ABTB2: variants seen among roughly 807,000 people sequenced by gnomAD.
ABTB2 encodes ankyrin repeat and BTB/POZ domain-containing protein 2.
Under a neutral mutation model 104.1 loss-of-function variants are expected in ABTB2, and 56 were observed. The observed-to-expected ratio is 0.54, with a 90% CI of 0.43 to 0.67. The LOEUF (loss-of-function observed/expected upper bound fraction) is 0.67. Ranked by LOEUF, ABTB2 falls within the 30% of genes least tolerant of loss-of-function variation. The probability of loss-of-function intolerance (pLI) is 0.00; values close to 1 mark genes in which losing one functional copy is unlikely to be tolerated. For missense variants in ABTB2, 1,279 were observed against 1,407.7 expected (o/e 0.91, Z 1.46); for synonymous variants, 606 against 608.2 (o/e 1.00, Z 0.05).
chr11:34,279,773 T>C (rs1184265485), intron 1 of ABTB2, among the ~76,000 whole-genome samples: 2 of 150,068 alleles, frequency 1.3e-5, no homozygotes, highest in African/African-American at 2.5e-5. Context: ...AATGCTTTTC[T>C]TTTCTTTCTT....
intron 2 of ABTB2, among the ~76,000 whole-genome samples, chr11:34,199,211 C>T (rs749054377): frequency 2.6e-5 from 4 of 152,222 alleles, no homozygotes; most frequent in African/African-American, 7.2e-5. Context: ...ATGACAGCCA[C>T]GGTGATGGTG....
In ABTB2 at chr11:34,160,103, T is replaced by A. The variant is rs1268393806; in HGVS notation, c.2504-95A>T. 2.3e-6 allele frequency: 3 copies of A among 1,278,888 alleles called. No individual in the cohort carries two copies. In the South Asian group the frequency reaches 3.8e-5, roughly 16 times the overall value. The allele number at this position is 1,278,888 out of a possible 1,614,324, so 79.2% of individuals were successfully genotyped here. On this transcript the variant is annotated intron_variant, in intron 12 of 16. Transcript: ENST00000435224. ...TGAGGTGCGTGTCTGGGGTTGGGGG[T>A]GGGACACAGAGGTGAGGAACAGAGA...
intron 1 of ABTB2, among the ~76,000 whole-genome samples, chr11:34,218,854 A>G (rs1853580498): frequency 6.6e-6 from 1 of 150,982 alleles, no homozygotes; most frequent in Non-Finnish European, 1.5e-5. Flanking sequence ...CTCAAAAAAA[A>G]AAAAAAAAAA....
At chr11:34,323,375 C>T (rs368605747) in intron 1 of ABTB2, among the ~76,000 whole-genome samples, 2 of 152,300 alleles carry the variant, frequency 1.3e-5, no homozygotes, top group South Asian at 2.1e-4. Flanking sequence ...GAGGTTATTA[C>T]GTAAGCCTGT....
rs1391547596 is a variant in ABTB2, at chr11:34,162,718, C to T, written c.2076G>A (p.Glu692=). 11 of 1,612,114 alleles carry T rather than the reference C, an allele frequency of 6.8e-6. No individual in the cohort carries two copies. The highest frequency in any genetic ancestry group is 1.7e-6 in the Non-Finnish European group (2 of 1,180,040). Residue 692 remains glutamate (E), a synonymous_variant, in exon 10 of 17, where the codon GAG becomes GAA. Coordinates refer to ENST00000435224, the MANE Select transcript of ABTB2 (RefSeq NM_145804.3). ...TGCCCTGGCTCGACGCATCACTTTC[C>T]TCCACACCCTCGGCCAGGATCTCCT... ...SLEEILAEGV[E]ESDASSQGSG...
intron 1 of ABTB2, among the ~76,000 whole-genome samples, chr11:34,343,120 C>T (rs955534454): frequency 2.0e-5 from 3 of 152,034 alleles, no homozygotes; most frequent in East Asian, 1.9e-4. Flanking sequence ...CAGGTGTGCG[C>T]CAGCACTCTG....
intron 1 of ABTB2, among the ~76,000 whole-genome samples, chr11:34,332,022 A>G (rs1353299829): frequency 1.3e-5 from 2 of 152,190 alleles, no homozygotes; most frequent in East Asian, 3.8e-4. Flanking sequence ...CACCTCTGGG[A>G]CTATGACAAC....
intron 1 of ABTB2, chr11:34,335,147 G>A (rs6484706): frequency 0.036 from 44,932 of 1,231,212 alleles, 4,100 homozygotes; most frequent in East Asian, 0.33. Context: ...TAATATGGCT[G>A]TCTGGTGTTG....
At chr11:34,326,386 G>A (rs1158396945) in intron 1 of ABTB2, among the ~76,000 whole-genome samples, 1 of 152,150 alleles carries the variant, frequency 6.6e-6, no homozygotes, top group Non-Finnish European at 1.5e-5. Flanking sequence ...ACTTTGGGGG[G>A]CCAAGGCAGT....
At chr11:34,282,733 T>C (rs1854461270) in intron 1 of ABTB2, among the ~76,000 whole-genome samples, 1 of 151,968 alleles carries the variant, frequency 6.6e-6, no homozygotes, top group Non-Finnish European at 1.5e-5. Flanking sequence ...GGTTTCACCA[T>C]GTTGGCCAGG....
At position 34,356,600 on chromosome 11, in the gene ABTB2, G is replaced by A. The variant is rs1855466656; in HGVS notation, c.883+101C>T. 2 of 1,404,658 alleles carry A rather than the reference G, an allele frequency of 1.4e-6. No homozygotes were observed. Among genetic ancestry groups the A allele is most frequent in the African/African-American group, 2.9e-5 (2 of 68,882 alleles). 87.0% of individuals were successfully genotyped at this position (1,404,658 alleles called of 1,614,324 possible). ...ACCAAACGTTTTCTCCCAAAGAACT[G>A]GCACAGCCACCAGCTTTGTCTCAGG... On this transcript the variant is annotated intron_variant, in intron 1 of 16. Transcript: ENST00000435224. This position sits in a 1 kb window ranked among gnomAD's most constrained non-coding sequence, Gnocchi z 4.6.
At chr11:34,228,589 A>G (rs1207091009) in intron 1 of ABTB2, among the ~76,000 whole-genome samples, 2 of 151,582 alleles carry the variant, frequency 1.3e-5, no homozygotes, top group African/African-American at 4.8e-5. Context: ...CATGTTGGCC[A>G]GGCTAGTCTC....
intron 1 of ABTB2, among the ~76,000 whole-genome samples, chr11:34,241,718 C>A (rs1466238949): frequency 6.6e-6 from 1 of 152,150 alleles, no homozygotes; most frequent in Non-Finnish European, 1.5e-5. Context: ...ATGGCGAGAC[C>A]CCCATCTCAA....
Position 34,256,777 on chromosome 11 carries a change from C to T in ABTB2, c.884-52087G>A, listed in dbSNP as rs186847259. ...TCCCAGTCTCTTATCTCAACACTCA[C>T]GCTCTTTCACTCCGGAGGGGACGGA... is the stretch of plus-strand genomic sequence containing the variant. On this transcript the variant is annotated intron_variant, in intron 1 of 16. Transcript: ENST00000435224. Among the ~76,000 whole-genome samples, 10 of 152,286 alleles carry T rather than the reference C, an allele frequency of 6.6e-5. No individual in the cohort carries two copies. The East Asian group carries it at 1.3e-3, about 21-fold the overall frequency.
intron 1 of ABTB2, among the ~76,000 whole-genome samples, chr11:34,229,400 G>C (rs1452690018): frequency 4.7e-5 from 7 of 148,086 alleles, no homozygotes; most frequent in Non-Finnish European, 3.0e-5. Flanking sequence ...AGAATGGCGT[G>C]AACCCGGGAG....
intron 1 of ABTB2, among the ~76,000 whole-genome samples, chr11:34,295,042 G>C (rs2611123): frequency 0.51 from 76,783 of 151,938 alleles, 20,658 homozygotes; most frequent in African/African-American, 0.69. Flanking sequence ...ACATTAGCCA[G>C]GCATGGAGGT....
chr11:34,227,129 T>G (rs1350941102), intron 1 of ABTB2, among the ~76,000 whole-genome samples: 1 of 151,344 alleles, frequency 6.6e-6, no homozygotes, highest in Non-Finnish European at 1.5e-5. Context: ...CAAAAATTAG[T>G]CAGATATGGT....
intron 3 of ABTB2, among the ~76,000 whole-genome samples, chr11:34,183,487 A>G (rs1853054115): frequency 6.6e-6 from 1 of 152,216 alleles, no homozygotes; most frequent in Non-Finnish European, 1.5e-5. Context: ...ACACCAGAAC[A>G]TATGGTCACC....
rs533883877 is a variant in ABTB2 at position 34,289,501 on chromosome 11, G to A, written c.883+67200C>T. ...TCAAAGGTAGAAAATGAGGCTTAGAGAGGCCAAGCAATTTGCCTCCTAAAG... is the reference window on the plus strand; with the variant it reads ...TCAAAGGTAGAAAATGAGGCTTAGAAAGGCCAAGCAATTTGCCTCCTAAAG... On this transcript the variant is annotated intron_variant, in intron 1 of 16. Transcript: ENST00000435224. Among the ~76,000 whole-genome samples the A allele has an allele frequency of 1.6e-4, 25 of 152,308 alleles. No individual in the cohort carries two copies. The South Asian group carries it at 3.3e-3, about 20-fold the overall frequency.
Sources: gnomAD v4.1 joint callset for allele counts (sites outside exome capture counted in the v4.1 genomes callset) on GRCh38, gnomAD v4.1.1 for gene constraint, Gnocchi (gnomAD v3.1) non-coding constraint, MANE v1.5 for transcripts, NCBI Gene and HGNC (gene_info 2026-07-23, HGNC 2026-07-21) for gene names.